CDK17: variants seen among roughly 807,000 people sequenced by gnomAD.
CDK17 encodes the protein cyclin dependent kinase 17, also known as cyclin-dependent kinase 17.
CDK17 carries 24 observed loss-of-function variants against 77.6 expected under a neutral mutation model. The observed-to-expected ratio is 0.31, with a 90% CI of 0.22 to 0.44. CDK17 has a LOEUF of 0.44. Among genes scored for constraint, CDK17 ranks in the 20% least tolerant of loss-of-function variants. CDK17 has a pLI of 1.00. For missense variants in CDK17, 429 were observed against 622.5 expected, an observed-to-expected ratio of 0.69 and a Z score of 3.31; for synonymous variants, 203 against 210.4, an observed-to-expected ratio of 0.96 and a Z score of 0.30.
At chr12:96,325,008 AT>A (rs901184274) in intron 2 of CDK17, among the ~76,000 whole-genome samples, 5 of 152,198 alleles carry the variant, frequency 3.3e-5, no homozygotes, top group African/African-American at 4.8e-5. Flanking sequence ...CATTAAAAAA[AT>A]ATAATACTTA....
chr12:96,399,720 C>A (rs1954227968), intron 1 of CDK17, among the ~76,000 whole-genome samples: 1 of 152,174 alleles, frequency 6.6e-6, no homozygotes. Flanking sequence ...TCTGTCGGCG[C>A]CTCCTGGGAA....
intron 1 of CDK17, among the ~76,000 whole-genome samples, chr12:96,348,254 T>C (rs1362151154): frequency 6.6e-6 from 1 of 151,868 alleles, no homozygotes; most frequent in Non-Finnish European, 1.5e-5. Flanking sequence ...GTTGGTTCTT[T>C]AAAAGATCAA....
chr12:96,290,911 C>T (rs144237272), intron 10 of CDK17, among the ~76,000 whole-genome samples: 1 of 152,192 alleles, frequency 6.6e-6, no homozygotes, highest in African/African-American at 2.4e-5. Context: ...CTCTCCTAAA[C>T]AAAATTAATT....
chr12:96,279,370 A>G lies in CDK17; in HGVS notation c.*872T>C, dbSNP rs1000928073. The stretch of plus-strand genomic sequence containing the variant: ...CCAATGAAATATCATCCTTTCTAAT[A>G]AAATAAATGTATTTAAAACAAACAA... On this transcript the variant is annotated 3_prime_UTR_variant, in exon 17 of 17. Coordinates refer to ENST00000261211, the MANE Select transcript of CDK17 (RefSeq NM_002595.5). 6.6e-6 allele frequency: 1 copy of G among 152,146 alleles called. No individual in the cohort carries two copies. The highest frequency in any genetic ancestry group is 2.4e-5 in the African/African-American group (1 of 41,470). 9.4% of individuals were successfully genotyped at this position (152,146 alleles called of 1,614,324 possible). A position where few individuals can be genotyped will look rare whatever the true frequency, so the allele number is the denominator to read the frequency against.
At chr12:96,289,412 C>T (rs1181720694) in intron 10 of CDK17, 125 bp from the exon 11 acceptor site, 1 of 988,866 alleles carries the variant, frequency 1.0e-6, no homozygotes, top group South Asian at 1.5e-5. Context: ...CTTGAGGCTT[C>T]ACCACTATTA....
chr12:96,290,554 A>G (rs1952310206), intron 10 of CDK17, among the ~76,000 whole-genome samples: 1 of 152,240 alleles, frequency 6.6e-6, no homozygotes, highest in African/African-American at 2.4e-5. Flanking sequence ...TAACTGGAAC[A>G]ATGTTGACAT....
chr12:96,301,256 A>AAAC (rs1555200144), intron 5 of CDK17, among the ~76,000 whole-genome samples: 5 of 112,374 alleles, frequency 4.4e-5, no homozygotes, highest in African/African-American at 1.6e-4. Context: ...AAAAAAAAAA[A>AAAC]AAACAAACAA....
chr12:96,360,539 C>A (rs1432325126), intron 1 of CDK17, among the ~76,000 whole-genome samples: 2 of 152,088 alleles, frequency 1.3e-5, no homozygotes, highest in Non-Finnish European at 2.9e-5. Context: ...CAAAAATTAT[C>A]AAAATAAGAT....
intron 1 of CDK17, among the ~76,000 whole-genome samples, chr12:96,353,749 T>C (rs1953351024): frequency 6.6e-6 from 1 of 152,138 alleles, no homozygotes; most frequent in African/African-American, 2.4e-5. Context: ...AATTAACCTA[T>C]CTTAGCAAAC....
intron 2 of CDK17, among the ~76,000 whole-genome samples, chr12:96,324,409 T>G (rs1952865345): frequency 1.3e-5 from 2 of 152,186 alleles, no homozygotes; most frequent in African/African-American, 2.4e-5. Flanking sequence ...ATTTGTTTAT[T>G]TTAGTGTATC....
At chr12:96,382,018 G>A (rs748872056) in intron 1 of CDK17, among the ~76,000 whole-genome samples, 9 of 151,938 alleles carry the variant, frequency 5.9e-5, no homozygotes, top group African/African-American at 1.7e-4. Context: ...CACATTATTC[G>A]TGGTACTGGT....
intron 2 of CDK17, among the ~76,000 whole-genome samples, chr12:96,330,773 ACAC>A (rs1313413342): frequency 6.6e-6 from 1 of 152,168 alleles, no homozygotes; most frequent in Non-Finnish European, 1.5e-5. Context: ...TGGGTTGTTT[ACAC>A]CTTAGCTGTT....
At chr12:96,344,776 C>T (rs968833717) in intron 1 of CDK17, among the ~76,000 whole-genome samples, 2 of 152,014 alleles carry the variant, frequency 1.3e-5, no homozygotes, top group Non-Finnish European at 2.9e-5. Context: ...AGTATTAACG[C>T]ACTTTTGGTT....
At chr12:96,336,640 T>C (rs1225671659) in intron 1 of CDK17, among the ~76,000 whole-genome samples, 1 of 152,244 alleles carries the variant, frequency 6.6e-6, no homozygotes, top group Non-Finnish European at 1.5e-5. Context: ...TTCTATTCCT[T>C]AGCTCAGTTT....
intron 1 of CDK17, among the ~76,000 whole-genome samples, chr12:96,356,204 A>T (rs1279469357): frequency 6.6e-6 from 1 of 152,250 alleles, no homozygotes; most frequent in Non-Finnish European, 1.5e-5. Context: ...GAATGTTTTC[A>T]TAATTATTTC....
At chr12:96,303,341 A>G (rs80197476) in intron 5 of CDK17, 1 of 152,348 alleles carries the variant, frequency 6.6e-6, no homozygotes, top group African/African-American at 2.4e-5. Flanking sequence ...GAAATAGCAC[A>G]ATAAGCTTTA....
At position 96,311,094 on chromosome 12, in the gene CDK17, T is replaced by C. The variant is rs768512319; in HGVS notation, c.501A>G (p.Pro167=). Reference sequence around the variant, plus strand: ...ACCTTCGACTCATTGGTTGGTCAAATGGTGGACTGTTTATCTGCAACTTTT... The same window carrying C: ...ACCTTCGACTCATTGGTTGGTCAAACGGTGGACTGTTTATCTGCAACTTTT... ...YLEKLQINSP[P]FDQPMSRRSR... Residue 167 remains proline, a synonymous_variant, in exon 5 of 17, where the codon CCA becomes CCG. Transcript: ENST00000261211. 12 of 1,602,746 alleles carry C rather than the reference T, an allele frequency of 7.5e-6. No homozygotes were observed. Among genetic ancestry groups the C allele is most frequent in the Non-Finnish European group, 1.7e-6 (2 of 1,176,892 alleles).
chr12:96,384,059 GAA>G (rs142876311), intron 1 of CDK17, among the ~76,000 whole-genome samples: 1 of 146,448 alleles, frequency 6.8e-6, no homozygotes, highest in South Asian at 2.1e-4. Flanking sequence ...AAATCCACAA[GAA>G]AAAAAAAATC....
intron 2 of CDK17, among the ~76,000 whole-genome samples, chr12:96,331,083 C>T (rs1016373033): frequency 3.2e-4 from 48 of 152,154 alleles, no homozygotes; most frequent in African/African-American, 1.0e-3. Context: ...TGGGGGACTA[C>T]AGGCGTGCGC....
Sources: allele counts gnomAD v4.1 joint callset (sites outside exome capture counted in the v4.1 genomes callset), GRCh38; gene constraint gnomAD v4.1.1; transcripts MANE v1.5; gene names NCBI Gene and HGNC (gene_info 2026-07-23, HGNC 2026-07-21).